Variants in RGS20 observed in about 807,000 individuals in gnomAD.
RGS20 encodes the protein gz-selective GTPase-activating protein.
A neutral mutation model predicts 33.6 loss-of-function variants in RGS20; 30 were observed. The observed-to-expected ratio is 0.89, with a 90% CI of 0.67 to 1.21. RGS20 has a LOEUF of 1.21. RGS20 is among the 50% of genes most tolerant of loss of function. RGS20 has a pLI of 0.00. For synonymous variants in RGS20, 208 were observed against 197.9 expected (o/e 1.05, Z -0.43); for missense variants, 472 against 502.4 (o/e 0.94, Z 0.58).
At chr8:53,880,973 C>G in intron 2 of RGS20, 3 of 1,585,116 alleles carry the variant, frequency 1.9e-6, no homozygotes, top group Non-Finnish European at 2.6e-6. Flanking sequence ...GTAGAGAGGG[C>G]AGCCCTCCGC....
chr8:53,924,664 G>T (rs1813745433), intron 2 of RGS20, among the ~76,000 whole-genome samples: 2 of 152,048 alleles, frequency 1.3e-5, no homozygotes, highest in Admixed American at 1.3e-4. Flanking sequence ...CTTTTTTGTT[G>T]TTGATCTTTT....
intron 2 of RGS20, among the ~76,000 whole-genome samples, chr8:53,923,586 C>T (rs1813709559): frequency 6.6e-6 from 1 of 151,136 alleles, no homozygotes; most frequent in African/African-American, 2.4e-5. Context: ...CAGAGTGAGA[C>T]TCTGTCTCAA....
At chr8:53,888,229 G>A (rs1812604396) in intron 2 of RGS20, among the ~76,000 whole-genome samples, 1 of 152,144 alleles carries the variant, frequency 6.6e-6, no homozygotes, top group South Asian at 2.1e-4. Flanking sequence ...GCAAATTTCA[G>A]TTGTTAGGAC....
chr8:53,949,316 A>ATATTTATATATAC (rs1167804172), intron 4 of RGS20, among the ~76,000 whole-genome samples: 5 of 147,918 alleles, frequency 3.4e-5, no homozygotes, highest in African/African-American at 9.8e-5. Context: ...GATACAGTAT[A>ATATTTATATATAC]TATATTTATT....
chr8:53,897,423 G>T (rs1052555768), intron 2 of RGS20, among the ~76,000 whole-genome samples: 1 of 152,126 alleles, frequency 6.6e-6, no homozygotes, highest in African/African-American at 2.4e-5. Context: ...TAGGGGCAAT[G>T]GTAGGAAGCA....
intron 3 of RGS20, among the ~76,000 whole-genome samples, chr8:53,945,024 T>C (rs1040057496): frequency 6.6e-6 from 1 of 152,174 alleles, no homozygotes; most frequent in Admixed American, 6.5e-5. Context: ...AATGGTGCAA[T>C]TGCCTTGTAA....
At chr8:53,874,143 T>A (rs1245558673) in intron 1 of RGS20, among the ~76,000 whole-genome samples, 1 of 152,080 alleles carries the variant, frequency 6.6e-6, no homozygotes, top group Non-Finnish European at 1.5e-5. Context: ...GAGGCTGCAG[T>A]GAGCCCGGTG....
At chr8:53,933,396 A>G (rs964880650) in intron 2 of RGS20, among the ~76,000 whole-genome samples, 2 of 152,194 alleles carry the variant, frequency 1.3e-5, no homozygotes, top group African/African-American at 4.8e-5. Context: ...TAGAATAACC[A>G]TTTTAGAGAA....
At chr8:53,883,273 C>T (rs892311981) in intron 2 of RGS20, among the ~76,000 whole-genome samples, 14 of 151,952 alleles carry the variant, frequency 9.2e-5, no homozygotes, top group African/African-American at 3.4e-4. Flanking sequence ...TTTCCTGCCT[C>T]AGCCTCCCAA....
chr8:53,870,392 GT>G (rs1812036584), intron 1 of RGS20, among the ~76,000 whole-genome samples: 1 of 152,188 alleles, frequency 6.6e-6, no homozygotes, highest in Non-Finnish European at 1.5e-5. Flanking sequence ...CATTGGGCAA[GT>G]TTTTTCACCT....
Position 53,948,317 on chromosome 8 carries a change from C to CATATGCTATATATGACAGTATATATTTAT in RGS20, c.743+1582_743+1583insGACAGTATATATTTATATATGCTATATAT, listed in dbSNP as rs1563431891. Among the ~76,000 whole-genome samples, 653 of 137,642 alleles carry CATATGCTATATATGACAGTATATATTTAT rather than the reference C, an allele frequency of 4.7e-3. 26 individuals are homozygous for CATATGCTATATATGACAGTATATATTTAT. Among genetic ancestry groups the CATATGCTATATATGACAGTATATATTTAT allele is most frequent in the African/African-American group, 0.017 (617 of 36,994 alleles). 90.3% of individuals were successfully genotyped at this position (137,642 alleles called of 152,430 possible). A position where few individuals can be genotyped will look rare whatever the true frequency, so the allele number is the denominator to read the frequency against. ...TACGATATATGATACAGTATATATA[C>CATATGCTATATATGACAGTATATATTTAT]ATATGCTATATATAAGACAGTATAT... On this transcript the variant is annotated intron_variant, in intron 4 of 5. Transcript: ENST00000297313.
rs1812298545 is a variant in RGS20, at chr8:53,879,579, G to T, written c.487G>T (p.Ala163Ser). Residue 163 changes from alanine (A) to serine (S), a missense_variant, in exon 2 of 6, where the codon GCT becomes TCT. This residue lies in a region of RGS20 where 319 missense variants were observed against 283.4 expected (regional missense o/e 1.13). Coordinates refer to ENST00000297313, the MANE Select transcript of RGS20 (RefSeq NM_170587.4). ...CAAGCCCAGGGAAGAAGACGCCACC[G>T]CTGGGCAGAGCTCGCCTATGCCGGT... The T allele has an allele frequency of 3.3e-6, 5 of 1,525,138 alleles. No homozygotes were observed. The South Asian group carries it at 5.0e-5, about 15-fold the overall frequency. The allele number at this position is 1,525,138 out of a possible 1,614,324, so 94.5% of individuals were successfully genotyped here. A position where few individuals can be genotyped will look rare whatever the true frequency, so the allele number is the denominator to read the frequency against.
At chr8:53,906,301 G>A (rs1813172051) in intron 2 of RGS20, among the ~76,000 whole-genome samples, 1 of 152,098 alleles carries the variant, frequency 6.6e-6, no homozygotes, top group Admixed American at 6.5e-5. Context: ...ACTTGAACCC[G>A]GGAGGTGGAG....
intron 2 of RGS20, among the ~76,000 whole-genome samples, chr8:53,891,400 C>T (rs533264687): frequency 1.3e-5 from 2 of 152,154 alleles, no homozygotes; most frequent in Non-Finnish European, 2.9e-5. Flanking sequence ...GGGTGGATCA[C>T]TTGAGGTCAG....
chr8:53,885,790 C>CTTTTTT (rs1172257852), intron 2 of RGS20, among the ~76,000 whole-genome samples: 17 of 112,724 alleles, frequency 1.5e-4, no homozygotes, highest in Non-Finnish European at 2.1e-4. Context: ...GTATCTTACT[C>CTTTTTT]TTTTTTTTTT....
chr8:53,958,092 C>G (rs988516851), intron 5 of RGS20, among the ~76,000 whole-genome samples, 178 bp from the exon 5 acceptor site: 6 of 151,932 alleles, frequency 3.9e-5, no homozygotes, highest in Non-Finnish European at 7.4e-5. Context: ...GCTGAGATCG[C>G]GCCACTGCAC....
In RGS20 at chr8:53,958,298, T is replaced by C. The variant is rs140246474; in HGVS notation, c.1007T>C (p.Val336Ala). 6.3e-4 allele frequency: 1,009 copies of C among 1,612,988 alleles called. 5 individuals carry two copies. The African/African-American group carries it at 0.012, about 19-fold the overall frequency. The stretch of plus-strand genomic sequence containing the variant: ...AGCTTAGACTCCCGGGTGAGAGAAG[T>C]GATCAACAGAAACATGGTGGAGCCA... Residue 336 changes from valine to alanine, a missense_variant, in exon 6 of 6, where the codon GTG becomes GCG. Physicochemically the swap from Val to Ala is moderately conservative, Grantham distance 64. Coordinates refer to ENST00000297313, the MANE Select transcript of RGS20 (RefSeq NM_170587.4).
intron 1 of RGS20, among the ~76,000 whole-genome samples, chr8:53,856,360 C>T (rs1049758523): frequency 3.3e-5 from 5 of 151,880 alleles, no homozygotes; most frequent in Admixed American, 6.6e-5. Context: ...GGACTAAAAA[C>T]GTCCACAATT....
At chr8:53,947,423 C>CTA (rs1361145497) in intron 4 of RGS20, among the ~76,000 whole-genome samples, 6 of 132,732 alleles carry the variant, frequency 4.5e-5, no homozygotes, top group Admixed American at 2.4e-4. Flanking sequence ...TTTATATATG[C>CTA]TATATATGAT....
Sources: gnomAD v4.1 joint callset for allele counts (sites outside exome capture counted in the v4.1 genomes callset) on GRCh38, gnomAD v4.1.1 for gene constraint, gnomAD v4.1.1 regional missense constraint, MANE v1.5 for transcripts, NCBI Gene and HGNC (gene_info 2026-07-23, HGNC 2026-07-21) for gene names.